Variants in ITGA2 observed in about 807,000 individuals in gnomAD.
The protein encoded by ITGA2 is integrin subunit alpha 2, also known as integrin alpha-2.
In ITGA2, 101 loss-of-function variants were observed where a neutral mutation model predicts 146.3. That is an observed-to-expected ratio of 0.69 (90% confidence interval 0.59 to 0.81). ITGA2 has a LOEUF of 0.81. ITGA2 is among the 40% of genes least tolerant of loss of function. The pLI is 0.00. For synonymous variants in ITGA2, 477 were observed against 487.1 expected (o/e 0.98, Z 0.27); for missense variants, 1,281 against 1,402.7 (o/e 0.91, Z 1.39).
At chr5:52,993,153 G>A (rs1298807944) in intron 1 of ITGA2, among the ~76,000 whole-genome samples, 2 of 152,100 alleles carry the variant, frequency 1.3e-5, no homozygotes, top group African/African-American at 4.8e-5. Flanking sequence ...GCAACAAAAA[G>A]GAAAGCTTGA....
At position 53,078,826 on chromosome 5, in the gene ITGA2, C is replaced by T. The variant is rs1233329783; in HGVS notation, c.2880C>T (p.Ile960=). ...EISSDGNVPS[I]VHSFEDVGPK... is the part of the protein sequence containing the mutation. ...CTTCGGATGGGAATGTTCCTTCAAT[C>T]GTGCACAGTTTTGAAGATGTTGGTC... Residue 960 remains isoleucine (I), a synonymous_variant, in exon 24 of 30, where the codon ATC becomes ATT. Transcript: ENST00000296585. 4.3e-6 allele frequency: 7 copies of T among 1,611,894 alleles called. No homozygotes were observed. Among genetic ancestry groups the T allele is most frequent in the Non-Finnish European group, 5.9e-6 (7 of 1,178,632 alleles).
At chr5:53,048,833 T>G in intron 6 of ITGA2, 63 bp downstream of exon 6, 1 of 1,557,730 alleles carries the variant, frequency 6.4e-7, no homozygotes, top group Non-Finnish European at 8.8e-7. Flanking sequence ...TATTGTTAGC[T>G]ATGAAGTCTT....
chr5:53,083,271 A>C, intron 26 of ITGA2, 69 bp from the exon 27 acceptor site: 1 of 999,850 alleles, frequency 1.0e-6, no homozygotes, highest in Admixed American at 1.8e-5. Flanking sequence ...CTAGCTTTAA[A>C]ATTTTAGCAT....
At chr5:53,063,265 T>C (rs1309588400) in intron 13 of ITGA2, among the ~76,000 whole-genome samples, 1 of 151,916 alleles carries the variant, frequency 6.6e-6, no homozygotes, top group Non-Finnish European at 1.5e-5. Context: ...TCACATGTAA[T>C]TTTTTGCGAT....
chr5:53,037,092 G>C (rs1365816711), intron 2 of ITGA2, among the ~76,000 whole-genome samples: 1 of 152,196 alleles, frequency 6.6e-6, no homozygotes, highest in East Asian at 1.9e-4. Flanking sequence ...ACAGCCCCTA[G>C]ATTGTGGGTT....
rs1432056940 is a variant in ITGA2 at position 53,045,092 on chromosome 5, C to T, written c.387C>T (p.Leu129=). The T allele has an allele frequency of 3.7e-6, 6 of 1,608,960 alleles. No individual in the cohort carries two copies. Among genetic ancestry groups the T allele is most frequent in the Admixed American group, 1.7e-5 (1 of 59,990 alleles). ...GGAACATGGGAACTGGAGGTTTTCT[C>T]GTGAGTGTTTACTTTACAAATCATT... ...LTRNMGTGGF[L]TCGPLWAQQC... is the part of the protein sequence containing the mutation. The change falls in exon 4 of 30, where the codon CTC becomes CTT. Residue 129 remains leucine, a splice_region_variant and synonymous_variant. Transcript: ENST00000296585.
At chr5:53,045,863 T>C (rs2111900946) in intron 4 of ITGA2, among the ~76,000 whole-genome samples, 1 of 151,948 alleles carries the variant, frequency 6.6e-6, no homozygotes, top group East Asian at 1.9e-4. Context: ...TTGACTCATA[T>C]AGGTATGTGT....
intron 28 of ITGA2, among the ~76,000 whole-genome samples, chr5:53,088,113 C>T (rs1266317915): frequency 2.0e-5 from 3 of 152,150 alleles, no homozygotes; most frequent in African/African-American, 7.2e-5. Context: ...AAAGGAAATG[C>T]AGACTTCAAA....
intron 14 of ITGA2, 82 bp from the exon 15 acceptor site, chr5:53,065,759 A>C: frequency 6.4e-7 from 1 of 1,573,278 alleles, no homozygotes; most frequent in East Asian, 2.3e-5. Context: ...TATATAGAAA[A>C]TATAATAATG....
chr5:53,019,571 G>T, intron 1 of ITGA2, among the ~76,000 whole-genome samples: 1 of 152,158 alleles, frequency 6.6e-6, no homozygotes, highest in South Asian at 2.1e-4. Context: ...TGTGGTCCAG[G>T]CTGCAGTGCA....
intron 23 of ITGA2, 38 bp downstream of exon 23, chr5:53,075,342 C>A (rs1745613919): frequency 6.6e-7 from 1 of 1,516,930 alleles, no homozygotes; most frequent in East Asian, 2.3e-5. Flanking sequence ...TCACTGACAC[C>A]AACTCTAGAT....
chr5:53,051,424 A>C lies in ITGA2; in HGVS notation c.644A>C (p.Gln215Pro), dbSNP rs758751140. 1.9e-6 allele frequency: 3 copies of C among 1,613,460 alleles called. No individual in the cohort carries two copies. The South Asian group carries it at 3.3e-5, about 18-fold the overall frequency. Residue 215 changes from glutamine to proline, a missense_variant, in exon 7 of 30, where the codon CAG (glutamine) becomes CCG (proline). This residue lies in a region of ITGA2 where 795 missense variants were observed against 841.7 expected (regional missense o/e 0.94). Coordinates refer to ENST00000296585, the MANE Select transcript of ITGA2 (RefSeq NM_002203.4). Reference sequence around the variant, plus strand: ...CCTCTGTTGAAGGTGGGGTTAATTCAGTATGCCAATAATCCAAGAGTTGTG... The same window carrying C: ...CCTCTGTTGAAGGTGGGGTTAATTCCGTATGCCAATAATCCAAGAGTTGTG... ...GPTKTQVGLIQYANNPRVVFN... is the reference protein window; with the variant it reads ...GPTKTQVGLIPYANNPRVVFN...
At position 53,072,065 on chromosome 5, in the gene ITGA2, C is replaced by A. The variant is rs1380909903; in HGVS notation, c.2346+17C>A. On this transcript the variant is annotated intron_variant, in intron 18 of 29. Transcript: ENST00000296585. Reference sequence around the variant, plus strand: ...GTCTTCAGTGTAAGTGCAGCTTACACTTCCTGGATTTAGACTGGCAAATAA... The same window carrying A: ...GTCTTCAGTGTAAGTGCAGCTTACAATTCCTGGATTTAGACTGGCAAATAA... 20 of 1,539,002 alleles carry A rather than the reference C, an allele frequency of 1.3e-5. No individual in the cohort carries two copies. The highest frequency in any genetic ancestry group is 1.6e-5 in the Non-Finnish European group (18 of 1,112,814).
intron 2 of ITGA2, among the ~76,000 whole-genome samples, chr5:53,039,933 C>T (rs186676424): frequency 3.9e-4 from 59 of 151,898 alleles, no homozygotes; most frequent in Middle Eastern, 3.4e-3. Flanking sequence ...CCTCATGTAC[C>T]TTTCCTCTCT....
chr5:53,007,229 T>C (rs1358963249), intron 1 of ITGA2, among the ~76,000 whole-genome samples: 2 of 152,020 alleles, frequency 1.3e-5, no homozygotes, highest in Non-Finnish European at 1.5e-5. Context: ...TTCCAGGAAG[T>C]ACACTACAGT....
At position 53,067,271 on chromosome 5, in the gene ITGA2, A is replaced by G. The variant is rs1420870934; in HGVS notation, c.2083+14A>G. The G allele has an allele frequency of 1.5e-5, 24 of 1,611,052 alleles. No individual in the cohort carries two copies. Among genetic ancestry groups the G allele is most frequent in the Non-Finnish European group, 2.0e-5 (24 of 1,178,324 alleles). On this transcript the variant is annotated intron_variant, in intron 16 of 29. Transcript: ENST00000296585. ...ACAATCAAGTGGGTGCGTAGATCTG[A>G]AATAATCTGTATAGAAATTGGTTGG...
intron 1 of ITGA2, among the ~76,000 whole-genome samples, chr5:53,024,927 C>T (rs1742868289): frequency 6.6e-6 from 1 of 152,128 alleles, no homozygotes; most frequent in South Asian, 2.1e-4. Flanking sequence ...TATATCTATG[C>T]ATATATAGTA....
At chr5:53,039,572 C>T (rs62357234) in intron 2 of ITGA2, among the ~76,000 whole-genome samples, 39,356 of 151,016 alleles carry the variant, frequency 0.26, 5,752 homozygotes, top group South Asian at 0.33. Flanking sequence ...GGCAAAATCC[C>T]CTACTAAAAA....
chr5:53,005,388 C>G (rs1360513527), intron 1 of ITGA2, among the ~76,000 whole-genome samples: 1 of 151,964 alleles, frequency 6.6e-6, no homozygotes, highest in East Asian at 1.9e-4. Flanking sequence ...TTGAGACCAG[C>G]CTGGCCAATG....
Sources: allele counts gnomAD v4.1 joint callset (sites outside exome capture counted in the v4.1 genomes callset), GRCh38; gene constraint gnomAD v4.1.1; regional missense constraint gnomAD v4.1.1; transcripts MANE v1.5; gene names NCBI Gene and HGNC (gene_info 2026-07-23, HGNC 2026-07-21).